The following TMC1 variants were observed in gnomAD, a reference collection of about 807,000 sequenced individuals.
The protein encoded by TMC1 is transmembrane channel-like protein 1.
Under a neutral mutation model 105.8 loss-of-function variants are expected in TMC1, and 84 were observed. The ratio of observed to expected loss-of-function variants is 0.79; its 90% CI spans 0.67 to 0.95. The LOEUF (loss-of-function observed/expected upper bound fraction) is 0.95. TMC1 is among the 40% of genes least tolerant of loss of function. The pLI is 0.00. For missense variants in TMC1, 817 were observed against 914.1 expected, an observed-to-expected ratio of 0.89 and a Z score of 1.37; for synonymous variants, 315 against 311.5, an observed-to-expected ratio of 1.01 and a Z score of -0.12.
chr9:72,768,817 C>G (rs917479559), intron 12 of TMC1, among the ~76,000 whole-genome samples: 1 of 152,070 alleles, frequency 6.6e-6, no homozygotes, highest in Non-Finnish European at 1.5e-5. Context: ...ATGATATTTT[C>G]GGTGTGTCTT....
intron 8 of TMC1, among the ~76,000 whole-genome samples, chr9:72,706,313 T>A (rs1022905098): frequency 6.6e-6 from 1 of 152,212 alleles, no homozygotes; most frequent in Non-Finnish European, 1.5e-5. Flanking sequence ...AAAGATGCTA[T>A]ACAAGAGGAC....
At chr9:72,750,131 A>G (rs1827556495) in intron 10 of TMC1, among the ~76,000 whole-genome samples, 1 of 152,116 alleles carries the variant, frequency 6.6e-6, no homozygotes, top group South Asian at 2.1e-4. Context: ...AAAAGAATAG[A>G]CAAAGGTCCA....
At position 72,683,524 on chromosome 9, in the gene TMC1, T is replaced by TA. The variant is rs145112271; in HGVS notation, c.17-5178dup. Among the ~76,000 whole-genome samples, 213 of 149,468 alleles carry TA rather than the reference T, an allele frequency of 1.4e-3. 1 individual carries two copies. Among genetic ancestry groups the TA allele is most frequent in the Non-Finnish European group, 2.4e-3 (161 of 67,472 alleles). ...GCTGCCTTTTAAAGAGGTTTTTTTT[T>TA]AAAAAAATCATAGCTTATTTTTTAT... On this transcript the variant is annotated intron_variant, in intron 5 of 23. Transcript: ENST00000297784.
At chr9:72,820,810 C>G (rs1425686303) in intron 19 of TMC1, 32 bp from the exon 20 acceptor site, 1 of 1,613,202 alleles carries the variant, frequency 6.2e-7, no homozygotes, top group African/African-American at 1.3e-5. Context: ...AGTAAAGACT[C>G]AAAACTGAGC....
intron 1 of TMC1, among the ~76,000 whole-genome samples, chr9:72,522,154 G>GTTTTTTTTGTT (rs1554708743): frequency 8.8e-4 from 42 of 47,742 alleles, no homozygotes; most frequent in Middle Eastern, 8.6e-3. Flanking sequence ...TAATTGATAA[G>GTTTTTTTTGTT]TTTTTTTTTT....
Position 72,792,174 on chromosome 9 carries a change from A to C in TMC1, c.1405-17A>C. The C allele has an allele frequency of 6.2e-7, 1 of 1,614,106 alleles. No individual in the cohort carries two copies. Among genetic ancestry groups the C allele is most frequent in the Non-Finnish European group, 8.5e-7 (1 of 1,180,004 alleles). On this transcript the variant is annotated splice_polypyrimidine_tract_variant and intron_variant, in intron 16 of 23. Coordinates refer to ENST00000297784, the MANE Select transcript of TMC1 (RefSeq NM_138691.3). ...CTCTGTTGTCTTCATTTTAGTTTCT[A>C]TCTCTTTGCTTTCTAGATTGAAGAG...
intron 8 of TMC1, among the ~76,000 whole-genome samples, chr9:72,718,906 G>A (rs1826969181): frequency 6.6e-6 from 1 of 152,146 alleles, no homozygotes; most frequent in South Asian, 2.1e-4. Context: ...TAGGGGTGTG[G>A]TTCTCAGGTC....
chr9:72,813,451 C>G (rs1056960285), intron 18 of TMC1, among the ~76,000 whole-genome samples: 1 of 152,090 alleles, frequency 6.6e-6, no homozygotes, highest in Non-Finnish European at 1.5e-5. Context: ...TCTTTCATAA[C>G]TGGTTCTAAT....
intron 1 of TMC1, among the ~76,000 whole-genome samples, chr9:72,534,295 A>T (rs768697367): frequency 6.6e-6 from 1 of 152,120 alleles, no homozygotes; most frequent in Non-Finnish European, 1.5e-5. Context: ...CCCTGGCTCA[A>T]CTGACTATGG....
At chr9:72,750,868 T>C (rs560024077) in intron 10 of TMC1, among the ~76,000 whole-genome samples, 1 of 152,338 alleles carries the variant, frequency 6.6e-6, no homozygotes, top group South Asian at 2.1e-4. Context: ...CTGAGTTTTA[T>C]TCCTCAGTAG....
intron 1 of TMC1, among the ~76,000 whole-genome samples, chr9:72,560,223 C>T (rs908159674): frequency 6.6e-6 from 1 of 152,166 alleles, no homozygotes; most frequent in Non-Finnish European, 1.5e-5. Flanking sequence ...TAGATAAAAA[C>T]AATTATGTCA....
intron 8 of TMC1, among the ~76,000 whole-genome samples, chr9:72,703,783 C>G (rs1826683812): frequency 6.6e-6 from 1 of 152,216 alleles, no homozygotes; most frequent in Admixed American, 6.5e-5. Flanking sequence ...TCTCACATGT[C>G]AGCAAGGCTC....
intron 4 of TMC1, among the ~76,000 whole-genome samples, chr9:72,639,562 C>T (rs1693155433): frequency 6.6e-6 from 1 of 152,136 alleles, no homozygotes; most frequent in South Asian, 2.1e-4. Flanking sequence ...TCTGGATATA[C>T]ATATAAAGCC....
intron 5 of TMC1, among the ~76,000 whole-genome samples, chr9:72,680,585 A>G (rs1437058623): frequency 1.3e-5 from 2 of 152,154 alleles, no homozygotes; most frequent in Non-Finnish European, 2.9e-5. Flanking sequence ...TTTGTCAGGA[A>G]GATAGATCTT....
intron 12 of TMC1, among the ~76,000 whole-genome samples, chr9:72,758,466 A>G (rs1350790990): frequency 6.6e-6 from 1 of 152,262 alleles, no homozygotes; most frequent in South Asian, 2.1e-4. Flanking sequence ...CCAAGTAGTC[A>G]CTGGTAATAA....
At chr9:72,806,897 G>T (rs1012505268) in intron 18 of TMC1, among the ~76,000 whole-genome samples, 2 of 152,234 alleles carry the variant, frequency 1.3e-5, no homozygotes, top group African/African-American at 4.8e-5. Context: ...CGGCACTTTG[G>T]GAGGCCAAGG....
chr9:72,639,357 G>T (rs187906710), intron 4 of TMC1, among the ~76,000 whole-genome samples: 12 of 152,082 alleles, frequency 7.9e-5, no homozygotes, highest in African/African-American at 2.4e-4. Flanking sequence ...TTTGAAACAC[G>T]GCCCACACAA....
intron 4 of TMC1, among the ~76,000 whole-genome samples, chr9:72,638,132 C>T (rs1052856321): frequency 6.6e-6 from 1 of 152,156 alleles, no homozygotes; most frequent in Non-Finnish European, 1.5e-5. Flanking sequence ...TCCTGGTCTC[C>T]TGTCTGAAAC....
intron 13 of TMC1, among the ~76,000 whole-genome samples, chr9:72,778,057 G>T (rs531175057): frequency 9.5e-4 from 144 of 152,336 alleles, no homozygotes; most frequent in Non-Finnish European, 1.6e-3. Context: ...CCTCTGTGGT[G>T]CTCAGTTGGG....
Sources: allele counts gnomAD v4.1 joint callset (sites outside exome capture counted in the v4.1 genomes callset), GRCh38; gene constraint gnomAD v4.1.1; transcripts MANE v1.5; gene names NCBI Gene and HGNC (gene_info 2026-07-23, HGNC 2026-07-21).